The following SLC36A1 variants were observed in gnomAD, a reference collection of about 807,000 sequenced individuals.
The protein encoded by SLC36A1 is solute carrier family 36 member 1, also known as proton-coupled amino acid transporter 1.
A neutral mutation model predicts 47.5 loss-of-function variants in SLC36A1; 30 were observed. The observed-to-expected ratio is 0.63, with a 90% CI of 0.47 to 0.86. The LOEUF (loss-of-function observed/expected upper bound fraction) is 0.86. Ranked by LOEUF, SLC36A1 falls within the 40% of genes least tolerant of loss-of-function variation. SLC36A1 has a pLI of 0.00. For synonymous variants in SLC36A1, 255 were observed against 249.7 expected (o/e 1.02, Z -0.20); for missense variants, 517 against 606.0 (o/e 0.85, Z 1.54).
At chr5:151,379,457 C>T in the SLC36A1 span, among the ~76,000 whole-genome samples, 44,645 of 152,098 alleles carry the variant, frequency 0.29, 7,897 homozygotes, top group African/African-American at 0.49. Context: ...CCTCAGCCTC[C>T]CAAGTAGCTG....
At chr5:151,458,181 A>G (rs908223202) in intron 1 of SLC36A1, among the ~76,000 whole-genome samples, 48 of 151,844 alleles carry the variant, frequency 3.2e-4, no homozygotes, top group African/African-American at 1.2e-3. Flanking sequence ...TGTGTTCTCT[A>G]TTGAAGGCAG....
At chr5:151,409,485 T>G in the SLC36A1 span, among the ~76,000 whole-genome samples, 2 of 152,206 alleles carry the variant, frequency 1.3e-5, no homozygotes, top group Non-Finnish European at 2.9e-5. Flanking sequence ...AACCAAGTGT[T>G]CAACAGGCGT....
chr5:151,547,735 T>C, the SLC36A1 span, among the ~76,000 whole-genome samples: 2 of 152,164 alleles, frequency 1.3e-5, no homozygotes, highest in African/African-American at 4.8e-5. Context: ...CCGATTATAA[T>C]TTATTATATA....
chr5:151,347,259 A>G, the SLC36A1 span: 3 of 1,613,226 alleles, frequency 1.9e-6, no homozygotes, highest in South Asian at 3.3e-5. Flanking sequence ...GCTTCAGGCT[A>G]GAAAGCAGAA....
At chr5:151,391,396 T>C in the SLC36A1 span, among the ~76,000 whole-genome samples, 1 of 151,946 alleles carries the variant, frequency 6.6e-6, no homozygotes. Flanking sequence ...CCTTTATTTC[T>C]TTCTCCTGCC....
chr5:151,347,526 AG>A, the SLC36A1 span: 4 of 1,594,480 alleles, frequency 2.5e-6, no homozygotes. Context: ...GGAAGCAGGA[AG>A]GTGTCTAGTG....
chr5:151,527,434 C>A, the SLC36A1 span: 3 of 1,475,230 alleles, frequency 2.0e-6, no homozygotes, highest in African/African-American at 2.8e-5. Flanking sequence ...TCACTTCTGC[C>A]CCCTGAGTCA....
At chr5:151,406,127 CA>C in the SLC36A1 span, among the ~76,000 whole-genome samples, 4 of 152,190 alleles carry the variant, frequency 2.6e-5, no homozygotes, top group African/African-American at 9.7e-5. Context: ...GCTGCACATG[CA>C]TTTCCTTAGC....
chr5:151,520,249 G>A, the SLC36A1 span, among the ~76,000 whole-genome samples: 1 of 152,380 alleles, frequency 6.6e-6, no homozygotes, highest in African/African-American at 2.4e-5. Flanking sequence ...CTTTCCTTTA[G>A]CCAAGGCTCC....
At chr5:151,478,284 G>A (rs1758349166) in intron 9 of SLC36A1, among the ~76,000 whole-genome samples, 1 of 152,214 alleles carries the variant, frequency 6.6e-6, no homozygotes, top group South Asian at 2.1e-4. Context: ...CTGGTTTAAG[G>A]TGGAGCTTTG....
At chr5:151,473,154 G>A (rs1182886148) in intron 7 of SLC36A1, among the ~76,000 whole-genome samples, 1 of 151,610 alleles carries the variant, frequency 6.6e-6, no homozygotes, top group African/African-American at 2.4e-5. Flanking sequence ...CAGCCTGGGT[G>A]ACAGAAGGAG....
the SLC36A1 span, chr5:151,366,463 G>A: frequency 9.0e-4 from 245 of 272,884 alleles, no homozygotes; most frequent in Non-Finnish European, 1.5e-3. Context: ...GGCCTAGAAG[G>A]TCCCCACCAA....
the SLC36A1 span, among the ~76,000 whole-genome samples, chr5:151,354,511 T>G: frequency 6.6e-6 from 1 of 152,196 alleles, no homozygotes; most frequent in African/African-American, 2.4e-5. Flanking sequence ...GTTTCATGCA[T>G]GCACAATGAG....
the SLC36A1 span, among the ~76,000 whole-genome samples, chr5:151,419,077 G>A: frequency 6.6e-6 from 1 of 152,270 alleles, no homozygotes; most frequent in African/African-American, 2.4e-5. Context: ...AAAGTGCCTG[G>A]TTTCTTCTTC....
the SLC36A1 span, chr5:151,505,607 C>T: frequency 6.2e-7 from 1 of 1,614,192 alleles, no homozygotes; most frequent in Non-Finnish European, 8.5e-7. Context: ...CACTCTCCAC[C>T]ATGTCAGAGC....
chr5:151,357,046 G>C, the SLC36A1 span, among the ~76,000 whole-genome samples: 1 of 152,160 alleles, frequency 6.6e-6, no homozygotes, highest in Non-Finnish European at 1.5e-5. Flanking sequence ...AAATCTAAGA[G>C]GAAGAAGGGT....
At chr5:151,527,015 A>G in the SLC36A1 span, among the ~76,000 whole-genome samples, 2 of 152,222 alleles carry the variant, frequency 1.3e-5, no homozygotes, top group South Asian at 2.1e-4. Context: ...TATGGCTGTT[A>G]TGAGTCTCAA....
chr5:151,463,354 G>A (rs886947109), intron 2 of SLC36A1, among the ~76,000 whole-genome samples, 199 bp from the exon 3 acceptor site: 5 of 152,210 alleles, frequency 3.3e-5, no homozygotes, highest in African/African-American at 1.2e-4. Flanking sequence ...GGGGAGCTCT[G>A]GAGTCAGACT....
downstream of SLC36A1, among the ~76,000 whole-genome samples, chr5:151,492,860 T>C (rs1465691564): frequency 6.6e-6 from 1 of 152,232 alleles, no homozygotes; most frequent in Non-Finnish European, 1.5e-5. Flanking sequence ...TGAGGTTTCC[T>C]TGGAGAAGAA....
Sources: allele counts gnomAD v4.1 joint callset (sites outside exome capture counted in the v4.1 genomes callset), GRCh38; gene constraint gnomAD v4.1.1; transcripts MANE v1.5; gene names NCBI Gene and HGNC (gene_info 2026-07-23, HGNC 2026-07-21).